ABCA4: variants seen among roughly 807,000 people sequenced by gnomAD.
ABCA4 encodes ATP binding cassette subfamily A member 4.
ABCA4 carries 196 observed loss-of-function variants against 263.7 expected under a neutral mutation model. The ratio of observed to expected loss-of-function variants is 0.74; its 90% CI spans 0.66 to 0.84. The LOEUF (loss-of-function observed/expected upper bound fraction) is 0.84, where lower values mean the gene tolerates loss of function less well. Ranked by LOEUF, ABCA4 falls within the 40% of genes least tolerant of loss-of-function variation. The pLI is 0.00. For synonymous variants in ABCA4, 1,133 were observed against 1,094.2 expected (o/e 1.04, Z -0.70); for missense variants, 2,792 against 2,855.1 (o/e 0.98, Z 0.50).
intron 40 of ABCA4, 59 bp from the exon 41 acceptor site, chr1:94,008,930 T>C: frequency 6.3e-7 from 1 of 1,597,454 alleles, no homozygotes; most frequent in South Asian, 1.1e-5. Context: ...GGCACTGTCC[T>C]TTCCATGGGA....
At chr1:94,029,964 T>G (rs1660151129) in intron 29 of ABCA4, among the ~76,000 whole-genome samples, 1 of 152,214 alleles carries the variant, frequency 6.6e-6, no homozygotes, top group Admixed American at 6.5e-5. Flanking sequence ...TGAAAAAGAC[T>G]GAGGGAGAAA....
intron 48 of ABCA4, 52 bp downstream of exon 48, chr1:93,997,809 G>C: frequency 6.2e-7 from 1 of 1,611,750 alleles, no homozygotes; most frequent in South Asian, 1.1e-5. Context: ...ACCCACACTG[G>C]GTGTTCTGGA....
At chr1:94,037,043 G>A (rs989655910) in intron 25 of ABCA4, 102 bp downstream of exon 25, 17 of 1,277,398 alleles carry the variant, frequency 1.3e-5, no homozygotes, top group African/African-American at 1.2e-4. Context: ...GGTGGGGAAC[G>A]ATGGCTTTTT....
chr1:94,120,181 C>G (rs1013691995), intron 1 of ABCA4, among the ~76,000 whole-genome samples: 12 of 152,200 alleles, frequency 7.9e-5, no homozygotes, highest in African/African-American at 2.4e-4. Flanking sequence ...ACCTTTTGCT[C>G]GCACTTCTCA....
At chr1:94,001,414 G>C (rs1475275507) in intron 45 of ABCA4, 5 of 513,420 alleles carry the variant, frequency 9.7e-6, no homozygotes, top group Non-Finnish European at 1.8e-5. Context: ...CAGAAGGCAG[G>C]GAGGTCACTC....
At chr1:94,104,026 G>T (rs1044675643) in intron 4 of ABCA4, among the ~76,000 whole-genome samples, 4 of 152,200 alleles carry the variant, frequency 2.6e-5, no homozygotes, top group African/African-American at 9.7e-5. Context: ...TTGATGCGGG[G>T]TAAGGAATGT....
intron 23 of ABCA4, among the ~76,000 whole-genome samples, chr1:94,040,910 C>T (rs969790693): frequency 1.3e-5 from 2 of 152,212 alleles, no homozygotes; most frequent in Non-Finnish European, 2.9e-5. Flanking sequence ...TTAAAACAGC[C>T]TAACCTTACA....
chr1:94,106,590 C>G (rs1237597186), intron 4 of ABCA4, among the ~76,000 whole-genome samples: 2 of 152,184 alleles, frequency 1.3e-5, no homozygotes, highest in African/African-American at 4.8e-5. Context: ...AACTTGGGCT[C>G]ACTAAAATAA....
chr1:94,048,530 T>C (rs1431691496), intron 18 of ABCA4, among the ~76,000 whole-genome samples: 1 of 152,230 alleles, frequency 6.6e-6, no homozygotes, highest in Non-Finnish European at 1.5e-5. Context: ...CATATCCGCT[T>C]TAAGTCCCAG....
At chr1:94,021,806 A>G in intron 33 of ABCA4, 40 bp downstream of exon 33, 1 of 1,609,478 alleles carries the variant, frequency 6.2e-7, no homozygotes, top group Non-Finnish European at 8.5e-7. Context: ...TAGTTAAGCA[A>G]GTCAAAAATC....
At chr1:94,104,466 G>A (rs970111166) in intron 4 of ABCA4, among the ~76,000 whole-genome samples, 2 of 152,182 alleles carry the variant, frequency 1.3e-5, no homozygotes, top group African/African-American at 4.8e-5. Context: ...GCCTGCCCCT[G>A]TGTGCTGGAC....
rs529982548 is a variant in ABCA4 at position 94,037,349 on chromosome 1, C to T, written c.3609G>A (p.Gly1203=). 1.9e-6 allele frequency: 3 copies of T among 1,613,964 alleles called. No homozygotes were observed. The African/African-American group carries it at 4.0e-5, about 22-fold the overall frequency. Residue 1203 remains glycine, a splice_region_variant and synonymous_variant, in exon 25 of 50, where the codon GGG becomes GGA. Coordinates refer to ENST00000370225, the MANE Select transcript of ABCA4 (RefSeq NM_000350.3). ...CTACATCCATCAGCTCATTTACATC[C>T]CCTAGGACAAGAAAAAAGACTGATG... ...DDLTPEQVLD[G]DVNELMDVVL...
In ABCA4 at chr1:93,998,003, C is replaced by T. The variant is rs1402664483; in HGVS notation, c.6587G>A (p.Ser2196Asn). 1.2e-6 allele frequency: 2 copies of T among 1,614,192 alleles called. No individual in the cohort carries two copies. The highest frequency in any genetic ancestry group is 2.2e-5 in the South Asian group (2 of 91,074). The change falls in exon 48 of 50, where the codon AGT (serine) becomes AAT (asparagine). Residue 2196 changes from serine to asparagine, a missense_variant. By Grantham distance (46) the Ser-to-Asn change is conservative. Coordinates refer to ENST00000370225, the MANE Select transcript of ABCA4 (RefSeq NM_000350.3). ...GTTGTAGTGCCTCTCCCTCTGCACA[C>T]TGCCTGGGAAGTTCCCCTGGAAGAA... ...EQFFQGNFPG[S>N]VQRERHYNML...
chr1:94,022,586 G>T (rs779625339), intron 32 of ABCA4, among the ~76,000 whole-genome samples: 21 of 152,158 alleles, frequency 1.4e-4, no homozygotes, highest in Non-Finnish European at 2.9e-4. Context: ...CTCCTGTACT[G>T]CCCTGGAAGT....
intron 3 of ABCA4, among the ~76,000 whole-genome samples, chr1:94,110,767 T>C (rs1662579892): frequency 1.3e-5 from 2 of 152,192 alleles, no homozygotes; most frequent in African/African-American, 4.8e-5. Context: ...AAATCAGATG[T>C]ACAGTGTAAT....
At chr1:94,044,575 A>G in intron 20 of ABCA4, 38 bp downstream of exon 20, 2 of 1,614,014 alleles carry the variant, frequency 1.2e-6, no homozygotes, top group East Asian at 2.2e-5. Context: ...AGAGGTGAGG[A>G]GAGGGGATGG....
chr1:94,031,578 G>A (rs1296224346), intron 27 of ABCA4, among the ~76,000 whole-genome samples, 200 bp downstream of exon 27: 1 of 152,116 alleles, frequency 6.6e-6, no homozygotes, highest in Non-Finnish European at 1.5e-5. Flanking sequence ...TCTTTGCTAG[G>A]GGAGGTCCAA....
rs748615703 is a variant in ABCA4 at position 94,063,257 on chromosome 1, G to C, written c.1615C>G (p.Leu539Val). 10 of 1,614,172 alleles carry C rather than the reference G, an allele frequency of 6.2e-6. No individual in the cohort carries two copies. The East Asian group carries it at 2.2e-4, about 36-fold the overall frequency. Reference sequence around the variant, plus strand: ...AACATGTTTTCCTCCAGTAGAGAGAGGGCACGTTGGGTGAGCTGAGTTTCA... The same window carrying C: ...AACATGTTTTCCTCCAGTAGAGAGACGGCACGTTGGGTGAGCTGAGTTTCA... ...NDETQLTQRA[L>V]SLLEENMFWA... The change falls in exon 12 of 50, where the codon CTC becomes GTC. Residue 539 changes from leucine to valine, a missense_variant. Coordinates refer to ENST00000370225, the MANE Select transcript of ABCA4 (RefSeq NM_000350.3).
At chr1:94,001,514 A>G (rs1348782685) in intron 45 of ABCA4, 1 of 558,236 alleles carries the variant, frequency 1.8e-6, no homozygotes, top group Non-Finnish European at 3.4e-6. Context: ...GGCTCAGCTC[A>G]GGAGCCTTTG....
Sources: gnomAD v4.1 joint callset for allele counts (sites outside exome capture counted in the v4.1 genomes callset) on GRCh38, gnomAD v4.1.1 for gene constraint, MANE v1.5 for transcripts, NCBI Gene and HGNC (gene_info 2026-07-23, HGNC 2026-07-21) for gene names.